Variants in NKAIN2 observed in about 807,000 individuals in gnomAD.
The protein encoded by NKAIN2 is sodium/potassium-transporting ATPase subunit beta-1-interacting protein 2.
A neutral mutation model predicts 32.6 loss-of-function variants in NKAIN2; 14 were observed. The ratio of observed to expected loss-of-function variants is 0.43; its 90% CI spans 0.28 to 0.67. The LOEUF is 0.67. Among genes scored for constraint, NKAIN2 ranks in the 30% least tolerant of loss-of-function variants. The pLI, the probability that NKAIN2 is intolerant of heterozygous loss-of-function variation, is 0.17. For synonymous variants in NKAIN2, 80 were observed against 87.2 expected (o/e 0.92, Z 0.46); for missense variants, 198 against 258.3 (o/e 0.77, Z 1.60).
chr6:124,173,232 A>G (rs1788983226), intron 1 of NKAIN2, among the ~76,000 whole-genome samples: 1 of 152,084 alleles, frequency 6.6e-6, no homozygotes, highest in Admixed American at 6.5e-5. Context: ...AAGCACCATG[A>G]CTAGTTTTTA....
At chr6:124,372,606 A>G (rs1304660068) in intron 3 of NKAIN2, among the ~76,000 whole-genome samples, 3 of 152,194 alleles carry the variant, frequency 2.0e-5, no homozygotes, top group African/African-American at 7.2e-5. Flanking sequence ...ATTAAAAAAT[A>G]CTTTACCCTG....
At chr6:124,651,213 C>T (rs1425527244) in intron 3 of NKAIN2, among the ~76,000 whole-genome samples, 1 of 151,910 alleles carries the variant, frequency 6.6e-6, no homozygotes, top group Non-Finnish European at 1.5e-5. Context: ...GGCAGCCCCA[C>T]CTCTATTGCT....
At chr6:124,211,603 A>ATAT (rs1294450162) in intron 1 of NKAIN2, among the ~76,000 whole-genome samples, 1 of 151,966 alleles carries the variant, frequency 6.6e-6, no homozygotes, top group African/African-American at 2.4e-5. Context: ...CCACCTACCT[A>ATAT]TATTACTAAG....
At chr6:124,593,702 C>T (rs890416302) in intron 3 of NKAIN2, among the ~76,000 whole-genome samples, 7 of 152,096 alleles carry the variant, frequency 4.6e-5, no homozygotes, top group African/African-American at 9.7e-5. Context: ...TTTGAATTTC[C>T]GATCACTGTA....
intron 2 of NKAIN2, among the ~76,000 whole-genome samples, chr6:124,325,470 A>T (rs1435483165): frequency 6.6e-6 from 1 of 152,134 alleles, no homozygotes; most frequent in Non-Finnish European, 1.5e-5. Context: ...CTTACAACTC[A>T]TAATAACTAA....
chr6:124,463,663 C>G (rs1436694540), intron 3 of NKAIN2, among the ~76,000 whole-genome samples: 1 of 152,106 alleles, frequency 6.6e-6, no homozygotes, highest in Non-Finnish European at 1.5e-5. Flanking sequence ...TCGTACCTTT[C>G]TTAACTTATT....
At chr6:124,548,588 A>G (rs1043788402) in intron 3 of NKAIN2, among the ~76,000 whole-genome samples, 2 of 152,196 alleles carry the variant, frequency 1.3e-5, no homozygotes, top group African/African-American at 4.8e-5. Context: ...CAGAGAGGGA[A>G]GAGGAAAGGT....
intron 1 of NKAIN2, among the ~76,000 whole-genome samples, chr6:123,913,432 G>C (rs1582767984): frequency 6.6e-6 from 1 of 152,102 alleles, no homozygotes; most frequent in Non-Finnish European, 1.5e-5. Flanking sequence ...TTATCATGCT[G>C]CTGTTCTCTG....
chr6:124,466,158 A>C (rs968072992), intron 3 of NKAIN2, among the ~76,000 whole-genome samples: 1 of 152,154 alleles, frequency 6.6e-6, no homozygotes, highest in Non-Finnish European at 1.5e-5. Flanking sequence ...CCTGGATGTC[A>C]CAGGGGAACC....
intron 1 of NKAIN2, among the ~76,000 whole-genome samples, chr6:123,830,889 C>T (rs1774352247): frequency 6.6e-6 from 1 of 152,122 alleles, no homozygotes; most frequent in South Asian, 2.1e-4. Context: ...TTTTGTATAT[C>T]AGGTGGTTCT....
chr6:124,278,663 A>G (rs1472348117), intron 1 of NKAIN2, among the ~76,000 whole-genome samples: 27 of 101,110 alleles, frequency 2.7e-4, no homozygotes, highest in African/African-American at 9.7e-4. Context: ...ATATATATAT[A>G]TATATATATA....
At chr6:124,004,534 T>G (rs1779997403) in intron 1 of NKAIN2, among the ~76,000 whole-genome samples, 2 of 151,644 alleles carry the variant, frequency 1.3e-5, no homozygotes, top group African/African-American at 2.4e-5. Context: ...ACTTAAAGAT[T>G]AAAAAAATTT....
At chr6:124,019,854 C>T (rs1167702679) in intron 1 of NKAIN2, among the ~76,000 whole-genome samples, 1 of 152,026 alleles carries the variant, frequency 6.6e-6, no homozygotes, top group Admixed American at 6.6e-5. Flanking sequence ...TCCATTATAA[C>T]TAAACACTTA....
intron 3 of NKAIN2, among the ~76,000 whole-genome samples, chr6:124,469,274 T>C (rs540055333): frequency 3.8e-4 from 58 of 152,318 alleles, no homozygotes; most frequent in Non-Finnish European, 7.1e-4. Context: ...TGTTACAAAG[T>C]TATAACATTG....
At chr6:124,279,993 A>G (rs146855449) in intron 1 of NKAIN2, among the ~76,000 whole-genome samples, 19 of 152,310 alleles carry the variant, frequency 1.2e-4, no homozygotes, top group African/African-American at 4.6e-4. Flanking sequence ...TAATGTTGTG[A>G]TCTGTGCAAG....
At chr6:124,393,039 A>G (rs1773212388) in intron 3 of NKAIN2, among the ~76,000 whole-genome samples, 1 of 152,110 alleles carries the variant, frequency 6.6e-6, no homozygotes, top group Admixed American at 6.6e-5. Flanking sequence ...AGTTTGATCT[A>G]CATCCCTTTC....
intron 1 of NKAIN2, among the ~76,000 whole-genome samples, chr6:123,897,999 A>G (rs1216800019): frequency 3.3e-5 from 5 of 152,196 alleles, no homozygotes; most frequent in African/African-American, 1.2e-4. Flanking sequence ...ACTTTTATCA[A>G]TGATTTTCAG....
At chr6:123,829,588 C>A (rs1479418273) in intron 1 of NKAIN2, among the ~76,000 whole-genome samples, 5 of 152,110 alleles carry the variant, frequency 3.3e-5, no homozygotes, top group Admixed American at 3.3e-4. Context: ...TGCTTCCTGG[C>A]CCAGAAATGC....
At chr6:124,616,183 ACATGCAG>A (rs1489771308) in intron 3 of NKAIN2, among the ~76,000 whole-genome samples, 1 of 151,984 alleles carries the variant, frequency 6.6e-6, no homozygotes, top group Non-Finnish European at 1.5e-5. Flanking sequence ...TTTATACACT[ACATGCAG>A]CATTCCCTTC....
Sources: allele counts gnomAD v4.1 joint callset (sites outside exome capture counted in the v4.1 genomes callset), GRCh38; gene constraint gnomAD v4.1.1; transcripts MANE v1.5; gene names NCBI Gene and HGNC (gene_info 2026-07-23, HGNC 2026-07-21).